The following IL16 variants were observed in gnomAD, a reference collection of about 807,000 sequenced individuals.
The protein encoded by IL16 is interleukin 16.
Under a neutral mutation model 110.1 loss-of-function variants are expected in IL16, and 67 were observed. The ratio of observed to expected loss-of-function variants is 0.61; its 90% CI spans 0.50 to 0.75. IL16 has a LOEUF of 0.75. IL16 is among the 30% of genes least tolerant of loss of function. IL16 has a pLI of 0.00. For missense variants in IL16, 1,545 were observed against 1,655.0 expected, an observed-to-expected ratio of 0.93 and a Z score of 1.15; for synonymous variants, 689 against 662.9, an observed-to-expected ratio of 1.04 and a Z score of -0.61.
At chr15:81,246,451 T>G (rs1897553327) in intron 2 of IL16, among the ~76,000 whole-genome samples, 1 of 152,244 alleles carries the variant, frequency 6.6e-6, no homozygotes, top group Non-Finnish European at 1.5e-5. Flanking sequence ...TTAAGATAAT[T>G]TTTCTTCTTA....
rs117410922 is a variant in IL16, at chr15:81,257,653, C to T, written c.313-2119C>T. On this transcript the variant is annotated intron_variant, in intron 2 of 18. Transcript: ENST00000683961. ...TGAGGGTGGGTTATTTGGCACACAGCGAGAGGCAAGCATAGATCCTCCCTC... is the reference window on the plus strand; with the variant it reads ...TGAGGGTGGGTTATTTGGCACACAGTGAGAGGCAAGCATAGATCCTCCCTC... Among the ~76,000 whole-genome samples the T allele has an allele frequency of 2.9e-4, 44 of 152,224 alleles. 1 individual carries two copies. In the East Asian group the frequency reaches 7.3e-3, roughly 25 times the overall value.
chr15:81,295,348 C>T (rs1248533249), intron 12 of IL16: 1 of 1,169,700 alleles, frequency 8.5e-7, no homozygotes, highest in East Asian at 6.6e-5. Flanking sequence ...ATTCTGAAGT[C>T]TCCCATGAAG....
chr15:81,200,428 A>G (rs59959483), intron 1 of IL16, among the ~76,000 whole-genome samples: 33,944 of 151,968 alleles, frequency 0.22, 4,209 homozygotes, highest in East Asian at 0.45. Flanking sequence ...GGAGTTCAGC[A>G]GTGCAATCCC....
At chr15:81,283,358 C>T (rs4468565) in intron 9 of IL16, among the ~76,000 whole-genome samples, 1 of 150,786 alleles carries the variant, frequency 6.6e-6, no homozygotes, top group Non-Finnish European at 1.5e-5. Flanking sequence ...AAAAAAAAAA[C>T]CCCAAAAACC....
At position 81,303,452 on chromosome 15, in the gene IL16, G is replaced by C; in HGVS notation, c.3319-97G>C. 2 of 813,400 alleles carry C rather than the reference G, an allele frequency of 2.5e-6. No individual in the cohort carries two copies. The allele number at this position is 813,400 out of a possible 1,614,324, so 50.4% of individuals were successfully genotyped here. A position where few individuals can be genotyped will look rare whatever the true frequency, so the allele number is the denominator to read the frequency against. ...TGTAACTTGGAGGCTGGCCAAGCTG[G>C]GGTTTGAGATAACAAATCAGTCTGA... On this transcript the variant is annotated intron_variant, in intron 15 of 18. Coordinates refer to ENST00000683961, the MANE Select transcript of IL16 (RefSeq NM_172217.5). This position sits in a 1 kb window ranked among gnomAD's most constrained non-coding sequence, Gnocchi z 4.1.
chr15:81,211,139 A>G (rs1004677760), intron 1 of IL16, among the ~76,000 whole-genome samples: 48 of 152,260 alleles, frequency 3.2e-4, no homozygotes, highest in African/African-American at 1.0e-3. Flanking sequence ...CGCGCACTGC[A>G]GCCTCAACAT....
intron 11 of IL16, chr15:81,291,925 T>C (rs772543340): frequency 1.1e-5 from 5 of 456,094 alleles, no homozygotes; most frequent in South Asian, 3.1e-5. Context: ...ATTTTACAGA[T>C]GCAGAAATGG....
chr15:81,245,571 T>C (rs1359590798), intron 2 of IL16, among the ~76,000 whole-genome samples: 3 of 134,838 alleles, frequency 2.2e-5, no homozygotes, highest in Non-Finnish European at 4.8e-5. Context: ...TGTTACTACC[T>C]GGGAAAGATG....
intron 2 of IL16, among the ~76,000 whole-genome samples, chr15:81,249,476 A>G (rs1897690649): frequency 6.6e-6 from 1 of 152,106 alleles, no homozygotes; most frequent in South Asian, 2.1e-4. Context: ...CTGGTATACA[A>G]TTCTATGTTG....
chr15:81,232,295 C>T (rs141107532), intron 2 of IL16, among the ~76,000 whole-genome samples: 16 of 152,030 alleles, frequency 1.1e-4, no homozygotes, highest in East Asian at 5.8e-4. Flanking sequence ...TCTGAATAAG[C>T]GGAGCTCTAT....
At chr15:81,278,958 A>G in intron 7 of IL16, 68 bp downstream of exon 7, 1 of 1,022,864 alleles carries the variant, frequency 9.8e-7, no homozygotes, top group East Asian at 2.4e-5. Context: ...AGCTCTCAGC[A>G]TCCAAACCTA....
chr15:81,306,359 C>T, intron 17 of IL16, 61 bp from the exon 18 acceptor site: 1 of 1,600,502 alleles, frequency 6.2e-7, no homozygotes, highest in Non-Finnish European at 8.5e-7. Flanking sequence ...ACTTGAAGCC[C>T]AGGGCATCTG....
rs1453420068 is a variant in IL16, at chr15:81,223,621, TA to T, written c.-101-1677del. 8.5e-5 allele frequency among the ~76,000 whole-genome samples: 13 copies of T among 152,316 alleles called. No individual in the cohort carries two copies. In the East Asian group the frequency reaches 2.3e-3, roughly 27 times the overall value. On this transcript the variant is annotated intron_variant, in intron 1 of 18. Coordinates refer to ENST00000683961, the MANE Select transcript of IL16 (RefSeq NM_172217.5). ...GTAAAATGAGGATATTGATGGAGGC[TA>T]CCACAGAGTTTATGAGAACTAAATA...
chr15:81,225,312 G>C lies in IL16; in HGVS notation c.-88G>C, dbSNP rs1182412597. The C allele has an allele frequency of 3.9e-6, 6 of 1,543,668 alleles. No homozygotes were observed. The Admixed American group carries it at 9.8e-5, about 25-fold the overall frequency. Reference sequence around the variant, plus strand: ...TCTTTCCTCTAGGGACTCATGAAGTGGCAGCTAAGCCCTGTCCAGTGGCCA... The same window carrying C: ...TCTTTCCTCTAGGGACTCATGAAGTCGCAGCTAAGCCCTGTCCAGTGGCCA... On this transcript the variant is annotated 5_prime_UTR_variant, in exon 2 of 19. Coordinates refer to ENST00000683961, the MANE Select transcript of IL16 (RefSeq NM_172217.5).
chr15:81,261,666 C>A (rs1034734471), intron 3 of IL16, among the ~76,000 whole-genome samples: 2 of 152,084 alleles, frequency 1.3e-5, no homozygotes, highest in African/African-American at 4.8e-5. Context: ...CTAACCCGGC[C>A]CACCCCTCTG....
At chr15:81,295,555 T>G in intron 12 of IL16, 2 of 1,251,616 alleles carry the variant, frequency 1.6e-6, no homozygotes, top group Non-Finnish European at 2.1e-6. Flanking sequence ...TAATTTCTCT[T>G]GTGGACAAGA....
Position 81,299,824 on chromosome 15 carries a change from C to T in IL16, c.2498C>T (p.Ser833Phe). 6.2e-7 allele frequency: 1 copy of T among 1,613,142 alleles called. No individual in the cohort carries two copies. Among genetic ancestry groups the T allele is most frequent in the Non-Finnish European group, 8.5e-7 (1 of 1,179,414 alleles). ...CACCTAGGATCACACATCCGGGCCTCCTCCTCCTCCTCCTCCATCAGGCAG... is the reference window on the plus strand; with the variant it reads ...CACCTAGGATCACACATCCGGGCCTTCTCCTCCTCCTCCTCCATCAGGCAG... The part of the protein sequence containing the change: ...REHLGSHIRA[S>F]SSSSSIRQRI... Residue 833 changes from serine (S) to phenylalanine (F), a missense_variant, in exon 14 of 19, where the codon TCC becomes TTC. Transcript: ENST00000683961.
Position 81,231,126 on chromosome 15 carries a change from C to G in IL16, c.312+5415C>G, listed in dbSNP as rs541444698. Reference sequence around the variant, plus strand: ...GGCTGAGGTAGGTGGATCCCTTGAACCCAAGGAGGTTTTGAGACCAGCCTG... The same window carrying G: ...GGCTGAGGTAGGTGGATCCCTTGAAGCCAAGGAGGTTTTGAGACCAGCCTG... On this transcript the variant is annotated intron_variant, in intron 2 of 18. Coordinates refer to ENST00000683961, the MANE Select transcript of IL16 (RefSeq NM_172217.5). 2.4e-4 allele frequency among the ~76,000 whole-genome samples: 37 copies of G among 152,010 alleles called. 1 individual carries two copies. The South Asian group carries it at 7.7e-3, about 32-fold the overall frequency.
chr15:81,308,703 A>T lies in IL16; in HGVS notation c.3904A>T (p.Asn1302Tyr). Residue 1302 changes from asparagine to tyrosine, a missense_variant, in exon 19 of 19, where the codon AAC (asparagine) becomes TAC (tyrosine). Coordinates refer to ENST00000683961, the MANE Select transcript of IL16 (RefSeq NM_172217.5). ...MQGLTRFEAW[N>Y]IIKALPDGPV... is the part of the protein sequence containing the mutation. ...GGGCCTCACACGGTTTGAAGCCTGG[A>T]ACATCATCAAGGCACTGCCTGATGG... 6.2e-7 allele frequency: 1 copy of T among 1,614,208 alleles called. No individual in the cohort carries two copies. Among genetic ancestry groups the T allele is most frequent in the Non-Finnish European group, 8.5e-7 (1 of 1,180,010 alleles).
Sources: gnomAD v4.1 joint callset for allele counts (sites outside exome capture counted in the v4.1 genomes callset) on GRCh38, gnomAD v4.1.1 for gene constraint, Gnocchi (gnomAD v3.1) non-coding constraint, MANE v1.5 for transcripts, NCBI Gene and HGNC (gene_info 2026-07-23, HGNC 2026-07-21) for gene names.